The following RAB39A variants were observed in gnomAD, a reference collection of about 807,000 sequenced individuals.
RAB39A encodes RAB39A, member RAS oncogene family.
Under a neutral mutation model 20.9 loss-of-function variants are expected in RAB39A, and 17 were observed. The ratio of observed to expected loss-of-function variants is 0.81; its 90% CI spans 0.56 to 1.22. The LOEUF is 1.22. Among genes scored for constraint, RAB39A ranks in the 50% most tolerant of loss-of-function variants. RAB39A has a pLI of 0.00. For missense variants in RAB39A, 234 were observed against 270.5 expected (o/e 0.87, Z 0.95); for synonymous variants, 99 against 103.4 (o/e 0.96, Z 0.26).
chr11:107,935,305 G>A (rs1861182166), intron 1 of RAB39A, among the ~76,000 whole-genome samples: 1 of 152,096 alleles, frequency 6.6e-6, no homozygotes, highest in South Asian at 2.1e-4. Flanking sequence ...TAGGTACAAT[G>A]CTTGTATATA....
intron 1 of RAB39A, among the ~76,000 whole-genome samples, chr11:107,935,465 C>T (rs1045149458): frequency 6.6e-6 from 1 of 150,982 alleles, no homozygotes; most frequent in African/African-American, 2.4e-5. Flanking sequence ...AGCTCCACCT[C>T]CCGGGTTCAC....
At chr11:107,957,334 A>AT (rs113165223) in intron 1 of RAB39A, among the ~76,000 whole-genome samples, 1 of 152,072 alleles carries the variant, frequency 6.6e-6, no homozygotes, top group Non-Finnish European at 1.5e-5. Flanking sequence ...GGAGCAGGAG[A>AT]TTTTTTTTAC....
At chr11:107,931,226 C>G (rs1446589783) in intron 1 of RAB39A, among the ~76,000 whole-genome samples, 1 of 152,210 alleles carries the variant, frequency 6.6e-6, no homozygotes, top group Non-Finnish European at 1.5e-5. Flanking sequence ...ATCCACCTGC[C>G]TCAGCCTCCC....
At chr11:107,936,241 C>T (rs1175176865) in intron 1 of RAB39A, among the ~76,000 whole-genome samples, 11 of 152,128 alleles carry the variant, frequency 7.2e-5, no homozygotes, top group Admixed American at 6.6e-4. Context: ...CACTCTGGTT[C>T]GAATGCCTCT....
Position 107,962,476 on chromosome 11 carries a change from A to G in RAB39A, c.*104A>G. 1 of 1,049,262 alleles carries G rather than the reference A, an allele frequency of 9.5e-7. No homozygotes were observed. Among genetic ancestry groups the G allele is most frequent in the Non-Finnish European group, 1.4e-6 (1 of 736,416 alleles). The allele number at this position is 1,049,262 out of a possible 1,614,324, so 65.0% of individuals were successfully genotyped here. A position where few individuals can be genotyped will look rare whatever the true frequency, so the allele number is the denominator to read the frequency against. On this transcript the variant is annotated 3_prime_UTR_variant, in exon 2 of 2. Coordinates refer to ENST00000320578, the MANE Select transcript of RAB39A (RefSeq NM_017516.3). ...TGCAATGAAAGAATTTAAAAAGGTT[A>G]CAAACCCACACCAATACTATTTTAT...
At position 107,962,103 on chromosome 11, in the gene RAB39A, T is replaced by C. The variant is rs1382512507; in HGVS notation, c.385T>C (p.Cys129Arg). The C allele has an allele frequency of 1.9e-5, 30 of 1,614,024 alleles. No homozygotes were observed. Among genetic ancestry groups the C allele is most frequent in the Admixed American group, 3.3e-5 (2 of 59,998 alleles). Residue 129 changes from cysteine to arginine, a missense_variant, in exon 2 of 2, where the codon TGT (cysteine) becomes CGT (arginine). Cys to Arg is a radical substitution (Grantham distance 180, BLOSUM62 -3). Transcript: ENST00000320578. ...TGTATTTCTGCTAGTGGGACATAAA[T>C]GTGATTTAGCTTCACAACGTCAAGT... ...RIVFLLVGHK[C>R]DLASQRQVTR...
intron 1 of RAB39A, among the ~76,000 whole-genome samples, chr11:107,946,341 CACAT>C (rs1157181289): frequency 7.4e-6 from 1 of 135,334 alleles, no homozygotes; most frequent in African/African-American, 2.9e-5. Context: ...CACACACACA[CACAT>C]ATATATACAC....
intron 1 of RAB39A, among the ~76,000 whole-genome samples, chr11:107,934,588 CAATT>C (rs1457457097): frequency 6.6e-6 from 1 of 152,034 alleles, no homozygotes; most frequent in Non-Finnish European, 1.5e-5. Context: ...CAAACTTAAC[CAATT>C]AATTAACTTG....
At chr11:107,953,258 T>A (rs1861399993) in intron 1 of RAB39A, among the ~76,000 whole-genome samples, 1 of 152,190 alleles carries the variant, frequency 6.6e-6, no homozygotes, top group African/African-American at 2.4e-5. Context: ...TTTGTGAGCT[T>A]GTTTTGTACC....
rs1214134750 is a variant in RAB39A, at chr11:107,928,882, GGT to G, written c.227+88_227+89del. On this transcript the variant is annotated intron_variant, in intron 1 of 1. Coordinates refer to ENST00000320578, the MANE Select transcript of RAB39A (RefSeq NM_017516.3). The surrounding 1 kb of genome is among the most constrained non-coding windows in gnomAD (Gnocchi z 4.9). Reference sequence around the variant, plus strand: ...CCCAGGCGTCCGCCCCGCCGGCCCTGGTCGGGAGAGGCTCTGGCCCTTCCCTC... The same window carrying G: ...CCCAGGCGTCCGCCCCGCCGGCCCTGCGGGAGAGGCTCTGGCCCTTCCCTC... 1 of 1,108,126 alleles carries G rather than the reference GGT, an allele frequency of 9.0e-7. No individual in the cohort carries two copies. Among genetic ancestry groups the G allele is most frequent in the East Asian group, 2.7e-5 (1 of 36,836 alleles). The allele number at this position is 1,108,126 out of a possible 1,614,324, so 68.6% of individuals were successfully genotyped here. A position where few individuals can be genotyped will look rare whatever the true frequency, so the allele number is the denominator to read the frequency against.
chr11:107,954,310 C>T (rs1239234418), intron 1 of RAB39A, among the ~76,000 whole-genome samples: 1 of 152,134 alleles, frequency 6.6e-6, no homozygotes, highest in Non-Finnish European at 1.5e-5. Flanking sequence ...CAGGACAGGA[C>T]ATTTTGTTCC....
chr11:107,935,899 A>G (rs1364927305), intron 1 of RAB39A, among the ~76,000 whole-genome samples: 3 of 96,218 alleles, frequency 3.1e-5, no homozygotes, highest in Non-Finnish European at 5.7e-5. Context: ...AGTCCTGGCC[A>G]CTTTTTTTTT....
intron 1 of RAB39A, among the ~76,000 whole-genome samples, chr11:107,951,247 G>GA (rs536111875): frequency 9.9e-5 from 15 of 152,192 alleles, no homozygotes; most frequent in Middle Eastern, 3.2e-3. Flanking sequence ...TTAGCCTCTT[G>GA]AAAACAGTGC....
At chr11:107,936,612 T>A (rs1480811189) in intron 1 of RAB39A, among the ~76,000 whole-genome samples, 1 of 152,244 alleles carries the variant, frequency 6.6e-6, no homozygotes, top group Non-Finnish European at 1.5e-5. Flanking sequence ...TAGTTATTTT[T>A]GGTTTTGTTT....
intron 1 of RAB39A, among the ~76,000 whole-genome samples, chr11:107,931,444 C>A (rs1408532439): frequency 1.3e-5 from 2 of 152,142 alleles, no homozygotes; most frequent in African/African-American, 4.8e-5. Flanking sequence ...TACCAAAGTT[C>A]TGTTTGTAAA....
Position 107,928,471 on chromosome 11 carries a change from CG to C in RAB39A, c.-96del. ...GCAGCCGCAGGAATATGCTGGAAGG[CG>C]GCGGGCGGGCGCCCGCGAGGTGCTG... On this transcript the variant is annotated 5_prime_UTR_variant, in exon 1 of 2. It removes the in-frame stop codon of an upstream open reading frame in the 5' UTR. Transcript: ENST00000320578. This position sits in a 1 kb window ranked among gnomAD's most constrained non-coding sequence, Gnocchi z 4.9. 1 of 886,632 alleles carries C rather than the reference CG, an allele frequency of 1.1e-6. No individual in the cohort carries two copies. Among genetic ancestry groups the C allele is most frequent in the Non-Finnish European group, 1.5e-6 (1 of 645,886 alleles). The allele number at this position is 886,632 out of a possible 1,614,324, so 54.9% of individuals were successfully genotyped here. A position where few individuals can be genotyped will look rare whatever the true frequency, so the allele number is the denominator to read the frequency against.
intron 1 of RAB39A, among the ~76,000 whole-genome samples, chr11:107,929,049 C>T (rs935135326): frequency 1.2e-4 from 18 of 151,820 alleles, no homozygotes; most frequent in African/African-American, 4.4e-4. Flanking sequence ...CCCGCCTGAA[C>T]CGGGGTCGTC....
chr11:107,947,611 C>G (rs1275947254), intron 1 of RAB39A, among the ~76,000 whole-genome samples: 1 of 151,682 alleles, frequency 6.6e-6, no homozygotes, highest in African/African-American at 2.4e-5. Flanking sequence ...AACACTAAGG[C>G]AGTCATTATG....
At chr11:107,950,069 A>C (rs1861360477) in intron 1 of RAB39A, among the ~76,000 whole-genome samples, 2 of 151,776 alleles carry the variant, frequency 1.3e-5, no homozygotes, top group South Asian at 4.2e-4. Context: ...AGTCCCAGCT[A>C]CTCGGGAGGC....
Sources: gnomAD v4.1 joint callset for allele counts (sites outside exome capture counted in the v4.1 genomes callset) on GRCh38, gnomAD v4.1.1 for gene constraint, Gnocchi (gnomAD v3.1) non-coding constraint, MANE v1.5 for transcripts, NCBI Gene and HGNC (gene_info 2026-07-23, HGNC 2026-07-21) for gene names.